Variants in FGF9 observed in about 807,000 individuals in gnomAD.
The protein encoded by FGF9 is fibroblast growth factor 9.
In FGF9, 3 loss-of-function variants were observed where a neutral mutation model predicts 19.9. The ratio of observed to expected loss-of-function variants is 0.15; its 90% CI spans 0.07 to 0.39. The LOEUF is 0.39. FGF9 is among the 10% of genes least tolerant of loss of function. The pLI is 1.00. For synonymous variants in FGF9, 107 were observed against 106.9 expected (o/e 1.00, Z -0.01); for missense variants, 175 against 256.8 (o/e 0.68, Z 2.18).
intron 2 of FGF9, among the ~76,000 whole-genome samples, chr13:21,688,781 T>C (rs1333387648): frequency 6.6e-6 from 1 of 151,338 alleles, no homozygotes; most frequent in Non-Finnish European, 1.5e-5. Context: ...AGTAGCCTAG[T>C]TTTAACTTAG....
chr13:21,689,472 T>C (rs1487961505), intron 2 of FGF9, among the ~76,000 whole-genome samples: 1 of 151,682 alleles, frequency 6.6e-6, no homozygotes, highest in Non-Finnish European at 1.5e-5. Flanking sequence ...TTACAAAAAA[T>C]GGACTAGGCA....
intron 1 of FGF9, among the ~76,000 whole-genome samples, chr13:21,679,444 T>C (rs180813970): frequency 4.9e-4 from 75 of 152,322 alleles, no homozygotes; most frequent in Non-Finnish European, 1.0e-3. Context: ...AGTGCTTTTT[T>C]ATTAGTCACA....
intron 1 of FGF9, among the ~76,000 whole-genome samples, chr13:21,680,174 T>C (rs1872009941): frequency 6.6e-6 from 1 of 152,194 alleles, no homozygotes; most frequent in South Asian, 2.1e-4. Context: ...GAATACAGCA[T>C]TCCATGCCTA....
intron 1 of FGF9, among the ~76,000 whole-genome samples, chr13:21,677,691 T>C (rs1284562577): frequency 6.6e-6 from 1 of 152,216 alleles, no homozygotes; most frequent in Non-Finnish European, 1.5e-5. Flanking sequence ...AGAATGACTG[T>C]GACTCCTACG....
intron 2 of FGF9, among the ~76,000 whole-genome samples, chr13:21,698,906 A>G (rs1007952689): frequency 2.6e-5 from 4 of 152,210 alleles, no homozygotes; most frequent in African/African-American, 9.6e-5. Context: ...AAAAATGCAC[A>G]TATTTGTTTA....
At chr13:21,698,769 T>C (rs1382314210) in intron 2 of FGF9, among the ~76,000 whole-genome samples, 1 of 152,184 alleles carries the variant, frequency 6.6e-6, no homozygotes, top group Non-Finnish European at 1.5e-5. Flanking sequence ...TTTAATTCCG[T>C]AGTGTTTGTA....
At position 21,701,477 on chromosome 13, in the gene FGF9, C is replaced by T. The variant is rs773520008; in HGVS notation, c.*42C>T. 6.2e-7 allele frequency: 1 copy of T among 1,613,634 alleles called. No homozygotes were observed. Among genetic ancestry groups the T allele is most frequent in the Non-Finnish European group, 8.5e-7 (1 of 1,179,716 alleles). On this transcript the variant is annotated 3_prime_UTR_variant, in exon 3 of 3. Coordinates refer to ENST00000382353, the MANE Select transcript of FGF9 (RefSeq NM_002010.3). ...ACTTGAGCCCTTAAAAAAGTAACCA[C>T]TATAAAGGTTTCACGCGGTGGGTTC...
At chr13:21,680,543 C>T (rs912658512) in intron 1 of FGF9, among the ~76,000 whole-genome samples, 14 of 151,826 alleles carry the variant, frequency 9.2e-5, no homozygotes, top group Admixed American at 8.5e-4. Context: ...CACACAGATA[C>T]TTAACTTCAT....
At position 21,671,510 on chromosome 13, in the gene FGF9, C is replaced by G; in HGVS notation, c.-403C>G. 2.1e-6 allele frequency: 1 copy of G among 484,178 alleles called. No individual in the cohort carries two copies. The highest frequency in any genetic ancestry group is 3.6e-6 in the Non-Finnish European group (1 of 277,420). The allele number at this position is 484,178 out of a possible 1,614,324, so 30.0% of individuals were successfully genotyped here. On this transcript the variant is annotated 5_prime_UTR_variant, in exon 1 of 3. Coordinates refer to ENST00000382353, the MANE Select transcript of FGF9 (RefSeq NM_002010.3). ...TGCATCTTAAAAATCCCTATAATAA[C>G]GCCTAGGCATTTAAGTTGCTATGGT...
chr13:21,689,612 A>G (rs1206426468), intron 2 of FGF9, among the ~76,000 whole-genome samples: 1 of 152,238 alleles, frequency 6.6e-6, no homozygotes, highest in Non-Finnish European at 1.5e-5. Context: ...GGAGCCCCAC[A>G]TGCTAGTAAT....
At chr13:21,695,614 A>G (rs1323080877) in intron 2 of FGF9, among the ~76,000 whole-genome samples, 3 of 152,214 alleles carry the variant, frequency 2.0e-5, no homozygotes, top group Admixed American at 6.5e-5. Context: ...ACGGTCCTTT[A>G]GTCATTATAT....
chr13:21,671,567 C>T lies in FGF9; in HGVS notation c.-346C>T, dbSNP rs900328482. ...GATCTCAAACCAAATGGAGAAACTA[C>T]GGATTTTTTTTCCTTATTACGGTCG... On this transcript the variant is annotated 5_prime_UTR_variant, in exon 1 of 3. The change creates a new upstream start codon in the 5' untranslated region. Transcript: ENST00000382353. 2 of 497,224 alleles carry T rather than the reference C, an allele frequency of 4.0e-6. No homozygotes were observed. Among genetic ancestry groups the T allele is most frequent in the Non-Finnish European group, 7.0e-6 (2 of 284,354 alleles). The allele number at this position is 497,224 out of a possible 1,614,324, so 30.8% of individuals were successfully genotyped here. A position where few individuals can be genotyped will look rare whatever the true frequency, so the allele number is the denominator to read the frequency against.
chr13:21,702,148 T>C lies in FGF9; in HGVS notation c.*713T>C, dbSNP rs886050054. Reference sequence around the variant, plus strand: ...TAGGCATTTTGGAAGCTTTAGGCTCTGTAAGCATTAAATGGCAAAGTCCGC... The same window carrying C: ...TAGGCATTTTGGAAGCTTTAGGCTCCGTAAGCATTAAATGGCAAAGTCCGC... On this transcript the variant is annotated 3_prime_UTR_variant, in exon 3 of 3. Coordinates refer to ENST00000382353, the MANE Select transcript of FGF9 (RefSeq NM_002010.3). 1.3e-5 allele frequency: 2 copies of C among 152,158 alleles called. No homozygotes were observed. Among genetic ancestry groups the C allele is most frequent in the Non-Finnish European group, 2.9e-5 (2 of 68,022 alleles). The allele number at this position is 152,158 out of a possible 1,614,324, so 9.4% of individuals were successfully genotyped here.
chr13:21,701,414 G>A lies in FGF9; in HGVS notation c.606G>A (p.Lys202=). 1 of 1,613,896 alleles carries A rather than the reference G, an allele frequency of 6.2e-7. No individual in the cohort carries two copies. The highest frequency in any genetic ancestry group is 8.5e-7 in the Non-Finnish European group (1 of 1,179,946). ...VDPDKVPELY[K]DILSQS is the part of the protein sequence containing the mutation. ...CCGACAAAGTACCTGAACTGTATAA[G>A]GATATTCTAAGCCAAAGTTGACAAA... is the stretch of plus-strand genomic sequence containing the variant. Residue 202 remains lysine (K), a synonymous_variant, in exon 3 of 3, where the codon AAG becomes AAA. Transcript: ENST00000382353.
intron 1 of FGF9, among the ~76,000 whole-genome samples, chr13:21,674,895 C>A (rs1364773668): frequency 1.3e-5 from 2 of 151,224 alleles, no homozygotes; most frequent in African/African-American, 4.9e-5. Flanking sequence ...TACAGTGGCT[C>A]AATAGAAACC....
intron 2 of FGF9, among the ~76,000 whole-genome samples, chr13:21,683,368 C>T (rs991443581): frequency 1.4e-4 from 22 of 152,274 alleles, no homozygotes; most frequent in Middle Eastern, 3.4e-3. Context: ...TGTAGACCCA[C>T]GGAGTGCCAG....
chr13:21,701,737 G>GTGTGTGTA lies in FGF9; in HGVS notation c.*305_*306insGTGTATGT, dbSNP rs1476092984. 3.8e-5 allele frequency: 14 copies of GTGTGTGTA among 366,684 alleles called. No homozygotes were observed. Among genetic ancestry groups the GTGTGTGTA allele is most frequent in the Admixed American group, 2.0e-4 (5 of 25,564 alleles). The allele number at this position is 366,684 out of a possible 1,614,324, so 22.7% of individuals were successfully genotyped here. A position where few individuals can be genotyped will look rare whatever the true frequency, so the allele number is the denominator to read the frequency against. On this transcript the variant is annotated 3_prime_UTR_variant, in exon 3 of 3. Coordinates refer to ENST00000382353, the MANE Select transcript of FGF9 (RefSeq NM_002010.3). ...TGTGTGTGTGTGTGTGTGTGTGTGT[G>GTGTGTGTA]TGTATGTGTGTAGCGGGAGATGTGG...
At chr13:21,699,352 TC>T (rs1872486876) in intron 2 of FGF9, among the ~76,000 whole-genome samples, 1 of 152,194 alleles carries the variant, frequency 6.6e-6, no homozygotes, top group African/African-American at 2.4e-5. Flanking sequence ...GCATTGTCTT[TC>T]CTTTCTGCTT....
chr13:21,675,402 T>C (rs1871889151), intron 1 of FGF9, among the ~76,000 whole-genome samples: 1 of 152,038 alleles, frequency 6.6e-6, no homozygotes, highest in Non-Finnish European at 1.5e-5. Context: ...GGGAGCCTCC[T>C]ACCCTCGCCT....
Sources: gnomAD v4.1 joint callset for allele counts (sites outside exome capture counted in the v4.1 genomes callset) on GRCh38, gnomAD v4.1.1 for gene constraint, MANE v1.5 for transcripts, NCBI Gene and HGNC (gene_info 2026-07-23, HGNC 2026-07-21) for gene names.